The following ADGRL3 variants were observed in gnomAD, a reference collection of about 807,000 sequenced individuals.
ADGRL3 encodes adhesion G protein-coupled receptor L3.
A neutral mutation model predicts 153.5 loss-of-function variants in ADGRL3; 62 were observed. The ratio of observed to expected loss-of-function variants is 0.40; its 90% confidence interval spans 0.33 to 0.50. ADGRL3 has a LOEUF of 0.50. ADGRL3 is among the 20% of genes least tolerant of loss of function. The pLI is 0.47. For missense variants in ADGRL3, 1,641 were observed against 1,859.4 expected (o/e 0.88, Z 2.16); for synonymous variants, 710 against 672.5 (o/e 1.06, Z -0.86).
At chr4:61,600,012 A>G (rs1040293797) in intron 5 of ADGRL3, among the ~76,000 whole-genome samples, 1 of 152,204 alleles carries the variant, frequency 6.6e-6, no homozygotes, top group African/African-American at 2.4e-5. Context: ...AAGTTTTCTA[A>G]TTAAAAGAGG....
At chr4:61,361,434 A>G (rs2096280810) in intron 1 of ADGRL3, among the ~76,000 whole-genome samples, 1 of 152,182 alleles carries the variant, frequency 6.6e-6, no homozygotes, top group Non-Finnish European at 1.5e-5. Context: ...ATAACATTAT[A>G]CTAGTCAAAG....
chr4:61,918,596 A>G (rs1229907370), intron 13 of ADGRL3, among the ~76,000 whole-genome samples: 1 of 152,146 alleles, frequency 6.6e-6, no homozygotes, highest in Non-Finnish European at 1.5e-5. Context: ...AGACTAAAAA[A>G]CAGGCTTAAG....
intron 2 of ADGRL3, among the ~76,000 whole-genome samples, chr4:61,437,758 CCTT>C (rs2097468494): frequency 6.6e-6 from 1 of 152,258 alleles, no homozygotes; most frequent in African/African-American, 2.4e-5. Flanking sequence ...ACAAGCTTCT[CCTT>C]CTCTATCAGC....
At chr4:61,381,742 A>C (rs2096671204) in intron 1 of ADGRL3, among the ~76,000 whole-genome samples, 3 of 152,040 alleles carry the variant, frequency 2.0e-5, no homozygotes, top group Admixed American at 2.0e-4. Context: ...GTTCTTCAAA[A>C]ACCAGGGAAA....
chr4:61,731,073 AAAGCTTATAT>A (rs1251867511), intron 7 of ADGRL3, among the ~76,000 whole-genome samples: 2 of 151,994 alleles, frequency 1.3e-5, no homozygotes, highest in Non-Finnish European at 2.9e-5. Flanking sequence ...TATTTAGCAT[AAAGCTTATAT>A]ACAATTTTGA....
Position 61,419,466 on chromosome 4 carries a change from G to T in ADGRL3, c.-174+36277G>T, listed in dbSNP as rs1162460092. Among the ~76,000 whole-genome samples the T allele has an allele frequency of 2.1e-5, 3 of 144,676 alleles. 1 individual carries two copies. In the East Asian group the frequency reaches 8.4e-4, roughly 41 times the overall value. The allele number at this position is 144,676 out of a possible 152,430, so 94.9% of individuals were successfully genotyped here. On this transcript the variant is annotated intron_variant, in intron 2 of 26. Coordinates refer to ENST00000683033, the MANE Select transcript of ADGRL3 (RefSeq NM_001387552.1). ...ACCCTGGACAGGATGTCCATCCATTGCAAGGCACACTCACACAGCCACCCA... is the reference window on the plus strand; with the variant it reads ...ACCCTGGACAGGATGTCCATCCATTTCAAGGCACACTCACACAGCCACCCA...
chr4:61,246,581 C>T (rs547901100), intron 1 of ADGRL3, among the ~76,000 whole-genome samples: 1 of 151,942 alleles, frequency 6.6e-6, no homozygotes, highest in East Asian at 1.9e-4. Context: ...ACACCCAAGT[C>T]TAATGTAAAT....
intron 9 of ADGRL3, among the ~76,000 whole-genome samples, chr4:61,834,232 A>G (rs1267730629): frequency 6.6e-6 from 1 of 151,332 alleles, no homozygotes; most frequent in East Asian, 2.0e-4. Flanking sequence ...TGTCCTTGCG[A>G]TAGTTTGCTG....
intron 25 of ADGRL3, among the ~76,000 whole-genome samples, chr4:62,058,873 C>T (rs1738509319): frequency 6.6e-6 from 1 of 152,038 alleles, no homozygotes; most frequent in African/African-American, 2.4e-5. Context: ...CTTAAGTCAC[C>T]TGGGGAGACA....
At chr4:61,703,853 T>C (rs2095810360) in intron 6 of ADGRL3, among the ~76,000 whole-genome samples, 1 of 151,972 alleles carries the variant, frequency 6.6e-6, no homozygotes, top group African/African-American at 2.4e-5. Context: ...TAGTCTTTTT[T>C]TTTTTCCTAC....
chr4:61,961,240 G>A (rs889456077), intron 17 of ADGRL3, among the ~76,000 whole-genome samples: 5 of 152,174 alleles, frequency 3.3e-5, no homozygotes, highest in South Asian at 2.1e-4. Flanking sequence ...AAAGATAGCT[G>A]CCACCTTCCT....
chr4:61,743,206 G>A (rs1487998847), intron 8 of ADGRL3, among the ~76,000 whole-genome samples: 1 of 151,272 alleles, frequency 6.6e-6, no homozygotes, highest in African/African-American at 2.4e-5. Context: ...TGTAGTCCTA[G>A]CTACTCAGGA....
chr4:61,728,564 C>A (rs1229608800), intron 6 of ADGRL3, among the ~76,000 whole-genome samples: 2 of 152,078 alleles, frequency 1.3e-5, no homozygotes, highest in East Asian at 3.9e-4. Context: ...TATTTCCACT[C>A]AAAAATAAGA....
chr4:61,955,062 T>C (rs2098961149), intron 17 of ADGRL3, among the ~76,000 whole-genome samples: 1 of 152,184 alleles, frequency 6.6e-6, no homozygotes, highest in Admixed American at 6.5e-5. Context: ...TTTTCTGCCT[T>C]TTCAATAACA....
At chr4:61,589,593 A>G (rs1326528189) in intron 5 of ADGRL3, among the ~76,000 whole-genome samples, 1 of 152,070 alleles carries the variant, frequency 6.6e-6, no homozygotes, top group East Asian at 1.9e-4. Context: ...TTAAACTTCT[A>G]GAAAGAGACT....
intron 2 of ADGRL3, among the ~76,000 whole-genome samples, chr4:61,462,092 C>A (rs574116579): frequency 6.6e-6 from 1 of 152,034 alleles, no homozygotes; most frequent in African/African-American, 2.4e-5. Flanking sequence ...TTTTAATAGC[C>A]CTTTTGCAAA....
intron 9 of ADGRL3, among the ~76,000 whole-genome samples, chr4:61,855,239 G>C (rs1211775305): frequency 6.6e-6 from 1 of 152,174 alleles, no homozygotes; most frequent in Non-Finnish European, 1.5e-5. Context: ...GAAACCCCAT[G>C]TGTTTGCAAG....
At chr4:61,489,334 C>T (rs1025829551) in intron 2 of ADGRL3, among the ~76,000 whole-genome samples, 1 of 150,358 alleles carries the variant, frequency 6.7e-6, no homozygotes, top group Non-Finnish European at 1.5e-5. Context: ...ATGTTTTATA[C>T]TTGAAAACAG....
chr4:61,820,755 T>G lies in ADGRL3; in HGVS notation c.1480+6866T>G, dbSNP rs140833689. On this transcript the variant is annotated intron_variant, in intron 9 of 26. Coordinates refer to ENST00000683033, the MANE Select transcript of ADGRL3 (RefSeq NM_001387552.1). ...ACTACTTCGGTGATTTTATGGCAGA[T>G]TTGTAAATAAGTACATGAGAGTTCT... is the stretch of plus-strand genomic sequence containing the variant. Among the ~76,000 whole-genome samples the G allele has an allele frequency of 5.9e-3, 902 of 152,264 alleles. 9 individuals are homozygous for G. The highest frequency in any genetic ancestry group is 0.02 in the African/African-American group (848 of 41,538).
Sources: gnomAD v4.1 joint callset for allele counts (sites outside exome capture counted in the v4.1 genomes callset) on GRCh38, gnomAD v4.1.1 for gene constraint, MANE v1.5 for transcripts, NCBI Gene and HGNC (gene_info 2026-07-23, HGNC 2026-07-21) for gene names.